The following PTPN13 variants were observed in gnomAD, a reference collection of about 807,000 sequenced individuals.
The protein encoded by PTPN13 is protein tyrosine phosphatase non-receptor type 13.
Under a neutral mutation model 284.0 loss-of-function variants are expected in PTPN13, and 191 were observed. The observed-to-expected ratio is 0.67, with a 90% confidence interval of 0.60 to 0.76. The LOEUF is 0.76. Ranked by LOEUF, PTPN13 falls within the 30% of genes least tolerant of loss-of-function variation. PTPN13 has a pLI of 0.00. For synonymous variants in PTPN13, 986 were observed against 1,022.3 expected (o/e 0.96, Z 0.68); for missense variants, 2,797 against 2,939.9 (o/e 0.95, Z 1.12).
At chr4:86,619,004 G>A (rs901487265) in intron 1 of PTPN13, among the ~76,000 whole-genome samples, 1 of 152,126 alleles carries the variant, frequency 6.6e-6, no homozygotes, top group Non-Finnish European at 1.5e-5. Flanking sequence ...CCTGTCTTGT[G>A]CCAGTTTTCA....
chr4:86,608,949 T>C (rs752658273), intron 1 of PTPN13, among the ~76,000 whole-genome samples: 3 of 152,196 alleles, frequency 2.0e-5, no homozygotes, highest in Non-Finnish European at 4.4e-5. Flanking sequence ...CTCCTTTGAA[T>C]TGACTCTTTC....
chr4:86,621,877 C>G (rs1201735447), intron 1 of PTPN13, among the ~76,000 whole-genome samples: 1 of 152,082 alleles, frequency 6.6e-6, no homozygotes, highest in Admixed American at 6.6e-5. Context: ...TGCTCCCTCT[C>G]TCCTCATCCT....
intron 3 of PTPN13, among the ~76,000 whole-genome samples, chr4:86,685,583 G>C (rs565784788): frequency 1.3e-5 from 2 of 152,316 alleles, no homozygotes; most frequent in South Asian, 4.1e-4. Context: ...CCTCACTGCA[G>C]CCTGGGCAAC....
At chr4:86,757,762 C>CAAAAAAAAAAAAAAAA (rs542129918) in intron 20 of PTPN13, among the ~76,000 whole-genome samples, 79 of 112,464 alleles carry the variant, frequency 7.0e-4, no homozygotes, top group Non-Finnish European at 1.0e-3. Context: ...GACTCTGTCT[C>CAAAAAAAAAAAAAAAA]AAAAAAAAAA....
chr4:86,656,404 G>C (rs147015328), intron 2 of PTPN13, among the ~76,000 whole-genome samples: 7,086 of 152,218 alleles, frequency 0.047, 219 homozygotes, highest in African/African-American at 0.061. Flanking sequence ...TGATGGTGAC[G>C]TACAGATGGG....
intron 1 of PTPN13, 149 bp downstream of exon 1, chr4:86,594,938 T>G (rs1366897690): frequency 2.0e-5 from 3 of 152,400 alleles, no homozygotes; most frequent in African/African-American, 7.2e-5. Flanking sequence ...GAACTTTTCT[T>G]TGGTTTTGGT....
At chr4:86,688,353 G>T (rs1366044700) in intron 4 of PTPN13, among the ~76,000 whole-genome samples, 5 of 151,676 alleles carry the variant, frequency 3.3e-5, no homozygotes, top group African/African-American at 1.2e-4. Context: ...TATTTTATTG[G>T]GTGTGTAGTG....
intron 2 of PTPN13, among the ~76,000 whole-genome samples, chr4:86,667,418 G>A (rs949511006): frequency 1.3e-5 from 2 of 151,484 alleles, no homozygotes; most frequent in African/African-American, 4.8e-5. Flanking sequence ...TTTTTTTTAA[G>A]TAGTAACAAA....
chr4:86,626,556 ATGTATTT>A (rs976906831), intron 1 of PTPN13, among the ~76,000 whole-genome samples: 36 of 152,220 alleles, frequency 2.4e-4, no homozygotes, highest in African/African-American at 8.4e-4. Flanking sequence ...AGAAATATTA[ATGTATTT>A]TGTATTAGGG....
At chr4:86,662,876 G>A (rs555809814) in intron 2 of PTPN13, among the ~76,000 whole-genome samples, 5 of 152,274 alleles carry the variant, frequency 3.3e-5, no homozygotes, top group East Asian at 3.9e-4. Flanking sequence ...TTTATAGAAC[G>A]TGTTGGATAA....
chr4:86,682,043 T>G (rs74411327), intron 3 of PTPN13, among the ~76,000 whole-genome samples: 20 of 152,354 alleles, frequency 1.3e-4, no homozygotes, highest in African/African-American at 4.8e-4. Context: ...TTCTAATACA[T>G]ATAATAATAT....
intron 8 of PTPN13, among the ~76,000 whole-genome samples, 156 bp downstream of exon 8, chr4:86,716,781 A>G (rs1458817328): frequency 1.3e-5 from 2 of 152,244 alleles, no homozygotes; most frequent in East Asian, 1.9e-4. Flanking sequence ...TAGTAGTATT[A>G]TAGAAACTAA....
In PTPN13 at chr4:86,650,207, G is replaced by A. The variant is rs1462349721; in HGVS notation, c.115+14836G>A. Among the ~76,000 whole-genome samples the A allele has an allele frequency of 6.6e-5, 10 of 152,220 alleles. No individual in the cohort carries two copies. The East Asian group carries it at 7.7e-4, about 12-fold the overall frequency. On this transcript the variant is annotated intron_variant, in intron 2 of 47. Transcript: ENST00000411767. ...CTGCCATATTGGCCAGGCTGGTCTC[G>A]AACTCCTGACCTTAGGTAATCTGCC...
rs371515480 is a variant in PTPN13 at position 86,722,433 on chromosome 4, G to A, written c.1607G>A (p.Arg536Lys). The A allele has an allele frequency of 1.2e-6, 2 of 1,608,672 alleles. No homozygotes were observed. The highest frequency in any genetic ancestry group is 1.7e-6 in the Non-Finnish European group (2 of 1,175,366). Residue 536 changes from arginine to lysine, a missense_variant and splice_region_variant, in exon 10 of 48, where the codon AGG (arginine) becomes AAG (lysine). Arg to Lys is a conservative substitution (Grantham distance 26). Transcript: ENST00000411767. ...ACAGCCATGACTCAAAGAAAACTGA[G>A]GGTAAGTTGATTCTCAGGTTACTAC... ...LETAMTQRKL[R>K]NFFGPEFVKM...
rs146296085 is a variant in PTPN13, at chr4:86,600,999, T to A, written c.-6+6210T>A. On this transcript the variant is annotated intron_variant, in intron 1 of 47. Transcript: ENST00000411767. ...TTCATGAAATTATTTGAACACCATA[T>A]TGATTAAATTCATTCTTTACACAAT... 9.6e-3 allele frequency among the ~76,000 whole-genome samples: 1,462 copies of A among 152,206 alleles called. 16 individuals are homozygous for A. The highest frequency in any genetic ancestry group is 0.033 in the African/African-American group (1,381 of 41,564).
At position 86,735,756 on chromosome 4, in the gene PTPN13, C is replaced by T; in HGVS notation, c.2304+10C>T. ...GTTAGAATTTTTAAAGGTAAGCATC[C>T]AAGATTACAAATGATAAGCTTTGTA... On this transcript the variant is annotated intron_variant, in intron 15 of 47. Transcript: ENST00000411767. 6.2e-7 allele frequency: 1 copy of T among 1,603,654 alleles called. No individual in the cohort carries two copies. Among genetic ancestry groups the T allele is most frequent in the Non-Finnish European group, 8.5e-7 (1 of 1,175,738 alleles).
At chr4:86,619,911 G>A (rs1422185445) in intron 1 of PTPN13, among the ~76,000 whole-genome samples, 1 of 151,874 alleles carries the variant, frequency 6.6e-6, no homozygotes, top group Admixed American at 6.6e-5. Context: ...GCACAGGCAG[G>A]CCACACTCTT....
chr4:86,753,079 A>G lies in PTPN13; in HGVS notation c.3223+14A>G. ...TAAAAGAAAATGGTAGGTTTACAAA[A>G]TGTTTTTCCCCTCATTTCCATCATT... On this transcript the variant is annotated intron_variant, in intron 20 of 47. Coordinates refer to ENST00000411767, the MANE Select transcript of PTPN13 (RefSeq NM_080683.3). 6.3e-7 allele frequency: 1 copy of G among 1,593,278 alleles called. No homozygotes were observed. Among genetic ancestry groups the G allele is most frequent in the Non-Finnish European group, 8.6e-7 (1 of 1,162,980 alleles).
chr4:86,631,846 A>G (rs2148708087), intron 1 of PTPN13, among the ~76,000 whole-genome samples: 1 of 152,278 alleles, frequency 6.6e-6, no homozygotes, highest in Non-Finnish European at 1.5e-5. Flanking sequence ...GGGAATAATT[A>G]TATTTTAAAA....
Sources: gnomAD v4.1 joint callset for allele counts (sites outside exome capture counted in the v4.1 genomes callset) on GRCh38, gnomAD v4.1.1 for gene constraint, MANE v1.5 for transcripts, NCBI Gene and HGNC (gene_info 2026-07-23, HGNC 2026-07-21) for gene names.